Variants in IGFBP7 observed in about 807,000 individuals in gnomAD.
IGFBP7 encodes the protein insulin-like growth factor-binding protein 7.
A neutral mutation model predicts 29.4 loss-of-function variants in IGFBP7; 31 were observed. The observed-to-expected ratio is 1.05, with a 90% CI of 0.79 to 1.42. IGFBP7 has a LOEUF of 1.42. IGFBP7 is among the 40% of genes most tolerant of loss of function. The pLI is 0.00. For synonymous variants in IGFBP7, 172 were observed against 174.9 expected, an observed-to-expected ratio of 0.98 and a Z score of 0.13; for missense variants, 393 against 395.5, an observed-to-expected ratio of 0.99 and a Z score of 0.05.
chr4:57,065,828 C>A (rs1183626061), intron 1 of IGFBP7, among the ~76,000 whole-genome samples: 1 of 152,168 alleles, frequency 6.6e-6, no homozygotes, highest in Non-Finnish European at 1.5e-5. Context: ...CTCCTGGCCT[C>A]AACCTCAGGA....
At chr4:57,050,233 A>AT (rs142714007) in intron 1 of IGFBP7, among the ~76,000 whole-genome samples, 14,126 of 145,606 alleles carry the variant, frequency 0.097, 813 homozygotes, top group African/African-American at 0.16. Flanking sequence ...CATTTATTTT[A>AT]TTTTTATTTA....
chr4:57,107,053 A>G (rs1360071828), intron 1 of IGFBP7, among the ~76,000 whole-genome samples: 1 of 152,164 alleles, frequency 6.6e-6, no homozygotes, highest in African/African-American at 2.4e-5. Flanking sequence ...ATCTCTTCCC[A>G]GTTGGGTAAG....
At chr4:57,072,613 ACCTTGACCC>A in intron 1 of IGFBP7, 1 of 281,422 alleles carries the variant, frequency 3.6e-6, no homozygotes, top group Non-Finnish European at 6.9e-6. Flanking sequence ...GCCTGTCAAA[ACCTTGACCC>A]AGCCACCACC....
intron 1 of IGFBP7, 112 bp downstream of exon 1, chr4:57,109,765 C>T: frequency 7.7e-7 from 1 of 1,297,530 alleles, no homozygotes; most frequent in Non-Finnish European, 1.0e-6. Flanking sequence ...GGGATGCCCG[C>T]GGGGGAATCG....
At position 57,031,172 on chromosome 4, in the gene IGFBP7, T is replaced by A; in HGVS notation, c.*145A>T. 1.3e-6 allele frequency: 1 copy of A among 794,316 alleles called. No individual in the cohort carries two copies. Among genetic ancestry groups the A allele is most frequent in the South Asian group, 1.6e-5 (1 of 63,548 alleles). The allele number at this position is 794,316 out of a possible 1,614,324, so 49.2% of individuals were successfully genotyped here. On this transcript the variant is annotated 3_prime_UTR_variant, in exon 5 of 5. Coordinates refer to ENST00000295666, the MANE Select transcript of IGFBP7 (RefSeq NM_001553.3). Reference sequence around the variant, plus strand: ...TTGTAGATAGTCTTGATGTGTGATCTTTATTTTGTATTTCTCTGTGTAAAA... The same window carrying A: ...TTGTAGATAGTCTTGATGTGTGATCATTATTTTGTATTTCTCTGTGTAAAA...
In IGFBP7 at chr4:57,110,170, G is replaced by T; in HGVS notation, c.182C>A (p.Pro61His). ...CTCGCCCTCGCCGCGGGCGCACATA[G>T]GGCAGCAGCCGCACGCGTCGCGGGT... ...GETRDACGCC[P>H]MCARGEGEPC... The change falls in exon 1 of 5, where the codon CCT becomes CAT. Residue 61 changes from proline (P) to histidine (H), a missense_variant. Transcript: ENST00000295666. 1.4e-6 allele frequency: 2 copies of T among 1,412,860 alleles called. No individual in the cohort carries two copies. The highest frequency in any genetic ancestry group is 3.1e-5 in the South Asian group (2 of 65,082). 87.5% of individuals were successfully genotyped at this position (1,412,860 alleles called of 1,614,324 possible). A position where few individuals can be genotyped will look rare whatever the true frequency, so the allele number is the denominator to read the frequency against.
chr4:57,076,281 T>A (rs1725224072), intron 1 of IGFBP7, among the ~76,000 whole-genome samples: 1 of 152,174 alleles, frequency 6.6e-6, no homozygotes, highest in African/African-American at 2.4e-5. Flanking sequence ...AGAAATTTTC[T>A]GGGGGACACC....
chr4:57,084,273 T>C (rs1163718855), intron 1 of IGFBP7, among the ~76,000 whole-genome samples: 4 of 152,210 alleles, frequency 2.6e-5, no homozygotes, highest in African/African-American at 9.7e-5. Flanking sequence ...AGTCACTGAA[T>C]TGTATACAAT....
chr4:57,073,251 A>C, intron 1 of IGFBP7: 1 of 605,910 alleles, frequency 1.7e-6, no homozygotes. Context: ...TATTATTATT[A>C]TTATTAGTCT....
rs1188557016 is a variant in IGFBP7, at chr4:57,099,877, A to C, written c.475+10000T>G. On this transcript the variant is annotated intron_variant, in intron 1 of 4. Transcript: ENST00000295666. The stretch of plus-strand genomic sequence containing the variant: ...CTCCCAAGTAGCTAGGACTACAGGC[A>C]CACAACCAAGCCAAGCTAATTTTGT... 2.0e-5 allele frequency among the ~76,000 whole-genome samples: 3 copies of C among 151,632 alleles called. No individual in the cohort carries two copies. The East Asian group carries it at 5.9e-4, about 30-fold the overall frequency.
At chr4:57,109,218 G>A (rs1726109246) in intron 1 of IGFBP7, among the ~76,000 whole-genome samples, 1 of 152,006 alleles carries the variant, frequency 6.6e-6, no homozygotes, top group Non-Finnish European at 1.5e-5. Context: ...TCAGGAGTTC[G>A]AGACCAGCCT....
intron 1 of IGFBP7, among the ~76,000 whole-genome samples, chr4:57,097,117 T>C (rs968805906): frequency 2.0e-5 from 3 of 152,232 alleles, no homozygotes; most frequent in African/African-American, 2.4e-5. Flanking sequence ...TTCCTATGTA[T>C]AAAATACTGG....
intron 1 of IGFBP7, among the ~76,000 whole-genome samples, chr4:57,094,715 A>T (rs1460863032): frequency 6.6e-6 from 1 of 152,204 alleles, no homozygotes; most frequent in Non-Finnish European, 1.5e-5. Flanking sequence ...CGTCACCCAC[A>T]CTTGGGTTCT....
In IGFBP7 at chr4:57,040,914, G is replaced by A. The variant is rs1193796118; in HGVS notation, c.495C>T (p.Pro165=). ...CAGTGACATTCCAGATGTCCTTGGG[G>A]GGCGTCACTATGGAAGGACCTGCAG... ...TCEQGPSIVT[P]PKDIWNVTGA... Residue 165 remains proline, a synonymous_variant, in exon 2 of 5, where the codon CCC becomes CCT. Coordinates refer to ENST00000295666, the MANE Select transcript of IGFBP7 (RefSeq NM_001553.3). 1.9e-6 allele frequency: 3 copies of A among 1,613,808 alleles called. No homozygotes were observed. Among genetic ancestry groups the A allele is most frequent in the Non-Finnish European group, 2.5e-6 (3 of 1,179,796 alleles).
chr4:57,066,077 G>A (rs1011828888), intron 1 of IGFBP7, among the ~76,000 whole-genome samples: 3 of 152,150 alleles, frequency 2.0e-5, no homozygotes, highest in Non-Finnish European at 4.4e-5. Flanking sequence ...CTGGTGGCAT[G>A]GGTCTTCCAT....
intron 1 of IGFBP7, among the ~76,000 whole-genome samples, chr4:57,042,135 C>G (rs959614596): frequency 2.0e-5 from 3 of 152,118 alleles, no homozygotes; most frequent in African/African-American, 7.2e-5. Context: ...AATTAGGGAA[C>G]ACACCCCCCA....
chr4:57,033,302 C>A lies in IGFBP7; in HGVS notation c.595G>T (p.Gly199Cys). 1 of 1,611,614 alleles carries A rather than the reference C, an allele frequency of 6.2e-7. No homozygotes were observed. Among genetic ancestry groups the A allele is most frequent in the South Asian group, 1.1e-5 (1 of 91,032 alleles). The change falls in exon 3 of 5, where the codon GGT becomes TGT. Residue 199 changes from glycine to cysteine, a missense_variant. By Grantham distance (159) the Gly-to-Cys change is radical (BLOSUM62 -3). Coordinates refer to ENST00000295666, the MANE Select transcript of IGFBP7 (RefSeq NM_001553.3). Reference protein sequence around the residue: ...PVLIWNKVKRGHYGVQRTELL... With the variant: ...PVLIWNKVKRCHYGVQRTELL... Reference sequence around the variant, plus strand: ...TCTGTCCTTTGAACTCCATAGTGACCCCTTTTTACCTGCAAAAACAAAAGG... The same window carrying A: ...TCTGTCCTTTGAACTCCATAGTGACACCTTTTTACCTGCAAAAACAAAAGG...
At chr4:57,077,436 C>T (rs1725255276) in intron 1 of IGFBP7, among the ~76,000 whole-genome samples, 1 of 152,092 alleles carries the variant, frequency 6.6e-6, no homozygotes, top group African/African-American at 2.4e-5. Context: ...TGCCACCATA[C>T]CCGGCTAATT....
chr4:57,052,316 C>T (rs1320319331), intron 1 of IGFBP7, among the ~76,000 whole-genome samples: 2 of 152,108 alleles, frequency 1.3e-5, no homozygotes, highest in Non-Finnish European at 2.9e-5. Flanking sequence ...TGAACAGAAG[C>T]AGGGGTGTCA....
Sources: gnomAD v4.1 joint callset for allele counts (sites outside exome capture counted in the v4.1 genomes callset) on GRCh38, gnomAD v4.1.1 for gene constraint, MANE v1.5 for transcripts, NCBI Gene and HGNC (gene_info 2026-07-23, HGNC 2026-07-21) for gene names.